The following CAMTA1 variants were observed in gnomAD, a reference collection of about 807,000 sequenced individuals.
CAMTA1 encodes the protein calmodulin binding transcription activator 1.
CAMTA1 carries 27 observed loss-of-function variants against 170.9 expected under a neutral mutation model. The observed-to-expected ratio is 0.16, with a 90% CI of 0.12 to 0.22. The LOEUF (loss-of-function observed/expected upper bound fraction) is 0.22. CAMTA1 is among the 10% of genes least tolerant of loss of function. The pLI, the probability that CAMTA1 is intolerant of heterozygous loss-of-function variation, is 1.00. For synonymous variants in CAMTA1, 833 were observed against 891.5 expected (o/e 0.93, Z 1.17); for missense variants, 1,619 against 2,217.2 (o/e 0.73, Z 5.42).
chr1:7,169,043 A>G (rs1649081554), intron 4 of CAMTA1, among the ~76,000 whole-genome samples: 1 of 152,212 alleles, frequency 6.6e-6, no homozygotes, highest in Non-Finnish European at 1.5e-5. Context: ...TGTCACTAGT[A>G]AGAATAATCA....
rs1038061860 is a variant in CAMTA1, at chr1:7,737,656, T to C, written c.3658+86T>C. 4 of 1,260,334 alleles carry C rather than the reference T, an allele frequency of 3.2e-6. No homozygotes were observed. The African/African-American group carries it at 6.0e-5, about 19-fold the overall frequency. The allele number at this position is 1,260,334 out of a possible 1,614,324, so 78.1% of individuals were successfully genotyped here. ...GCTGCCCTCAGCAGAGTCCATAGGA[T>C]AGTCACATACATTTCAGTTTTTTTG... On this transcript the variant is annotated intron_variant, in intron 15 of 22. Transcript: ENST00000303635.
chr1:7,237,285 A>C (rs532068681), intron 4 of CAMTA1, among the ~76,000 whole-genome samples: 1 of 152,326 alleles, frequency 6.6e-6, no homozygotes, highest in East Asian at 1.9e-4. Flanking sequence ...CAACCTGAAC[A>C]GAGCTTATTG....
At chr1:7,257,076 C>CGTG (rs1553291546) in intron 5 of CAMTA1, among the ~76,000 whole-genome samples, 4 of 135,134 alleles carry the variant, frequency 3.0e-5, no homozygotes, top group African/African-American at 1.1e-4. Flanking sequence ...CATCGCATGG[C>CGTG]GGGGGCGGGG....
At chr1:7,091,458 T>C (rs1391481556) in intron 4 of CAMTA1, 87 bp downstream of exon 4, 1 of 1,015,304 alleles carries the variant, frequency 9.8e-7, no homozygotes, top group Non-Finnish European at 1.6e-6. Flanking sequence ...AGTGAATTCA[T>C]GGGCAACGAG....
At chr1:7,191,445 C>G (rs543851527) in intron 4 of CAMTA1, among the ~76,000 whole-genome samples, 3 of 152,190 alleles carry the variant, frequency 2.0e-5, no homozygotes, top group African/African-American at 7.2e-5. Flanking sequence ...TTTCAAGAAG[C>G]GTTGTTTAGT....
At chr1:7,425,866 G>A (rs1390764321) in intron 5 of CAMTA1, among the ~76,000 whole-genome samples, 4 of 152,176 alleles carry the variant, frequency 2.6e-5, no homozygotes, top group Non-Finnish European at 5.9e-5. Context: ...GGGCCCAGTT[G>A]TGACTCCAGC....
Position 7,703,656 on chromosome 1 carries a change from G to A in CAMTA1, c.2914+25923G>A, listed in dbSNP as rs1488865554. Among the ~76,000 whole-genome samples, 5 of 152,188 alleles carry A rather than the reference G, an allele frequency of 3.3e-5. No homozygotes were observed. In the East Asian group the frequency reaches 9.6e-4, roughly 29 times the overall value. On this transcript the variant is annotated intron_variant, in intron 11 of 22. Transcript: ENST00000303635. Reference sequence around the variant, plus strand: ...TTTTTACCCAGGTGGCAGAGACATGGCCGATTTTACAGATAATTGACTGTA... The same window carrying A: ...TTTTTACCCAGGTGGCAGAGACATGACCGATTTTACAGATAATTGACTGTA...
chr1:7,478,811 A>G (rs1281296732), intron 6 of CAMTA1, among the ~76,000 whole-genome samples: 1 of 152,224 alleles, frequency 6.6e-6, no homozygotes, highest in African/African-American at 2.4e-5. Context: ...GGCTTATAAT[A>G]TGGGGCTTTT....
At position 6,878,702 on chromosome 1, in the gene CAMTA1, G is replaced by A. The variant is rs138575447; in HGVS notation, c.234+53492G>A. Among the ~76,000 whole-genome samples, 37 of 152,298 alleles carry A rather than the reference G, an allele frequency of 2.4e-4. No homozygotes were observed. The East Asian group carries it at 6.0e-3, about 25-fold the overall frequency. On this transcript the variant is annotated intron_variant, in intron 3 of 22. Coordinates refer to ENST00000303635, the MANE Select transcript of CAMTA1 (RefSeq NM_015215.4). Reference sequence around the variant, plus strand: ...ATCCCCAGCGATTTGTTCTAGTTCCGTTGCCATCAGCAGGAAGCTGGATCA... The same window carrying A: ...ATCCCCAGCGATTTGTTCTAGTTCCATTGCCATCAGCAGGAAGCTGGATCA...
intron 3 of CAMTA1, among the ~76,000 whole-genome samples, chr1:6,995,295 C>CTTTTCTTT (rs1697047615): frequency 1.2e-4 from 7 of 60,612 alleles, no homozygotes; most frequent in Admixed American, 5.1e-4. Context: ...TTTTTCTTTT[C>CTTTTCTTT]TTTTTTTTTT....
At chr1:7,310,670 TCC>T (rs1676463907) in intron 5 of CAMTA1, among the ~76,000 whole-genome samples, 3 of 53,762 alleles carry the variant, frequency 5.6e-5, no homozygotes, top group African/African-American at 2.0e-4. Context: ...TTTCTTTCTT[TCC>T]TTTCTTTCTC....
In CAMTA1 at chr1:7,276,305, T is replaced by TATA. The variant is rs1558345669; in HGVS notation, c.438+26679_438+26680insATA. Among the ~76,000 whole-genome samples the TATA allele has an allele frequency of 3.5e-4, 7 of 20,150 alleles. No individual in the cohort carries two copies. The East Asian group carries it at 9.8e-3, about 28-fold the overall frequency. 13.2% of individuals were successfully genotyped at this position (20,150 alleles called of 152,430 possible). On this transcript the variant is annotated intron_variant, in intron 5 of 22. Transcript: ENST00000303635. ...TATATATATATATATATATATATATTTTTTTTTTTTTTTTTTCTTTTTGAG... is the reference window on the plus strand; with the variant it reads ...TATATATATATATATATATATATATTATATTTTTTTTTTTTTTTTCTTTTTGAG...
intron 4 of CAMTA1, among the ~76,000 whole-genome samples, chr1:7,198,551 C>T (rs1656015314): frequency 6.6e-6 from 1 of 152,062 alleles, no homozygotes; most frequent in Non-Finnish European, 1.5e-5. Context: ...CTGAGAAACC[C>T]CCAGGACCTC....
chr1:7,684,928 G>T (rs553606139), intron 11 of CAMTA1, among the ~76,000 whole-genome samples: 2 of 152,274 alleles, frequency 1.3e-5, no homozygotes, highest in South Asian at 4.1e-4. Context: ...TGTTGTGCAC[G>T]GGGTTCTGCC....
At chr1:6,802,958 C>T (rs1644057032) in intron 1 of CAMTA1, among the ~76,000 whole-genome samples, 1 of 152,184 alleles carries the variant, frequency 6.6e-6, no homozygotes, top group African/African-American at 2.4e-5. Flanking sequence ...GTTGCCTAGG[C>T]TGGTCTTGAA....
chr1:6,926,057 T>C (rs772628990), intron 3 of CAMTA1, among the ~76,000 whole-genome samples: 1 of 152,238 alleles, frequency 6.6e-6, no homozygotes. Context: ...GCGCTGTTCC[T>C]CCCTGTGTCA....
At chr1:7,259,898 T>A (rs1464186914) in intron 5 of CAMTA1, among the ~76,000 whole-genome samples, 3 of 152,256 alleles carry the variant, frequency 2.0e-5, no homozygotes, top group Non-Finnish European at 4.4e-5. Flanking sequence ...AACTTGCCTG[T>A]CTGTTCACTG....
intron 16 of CAMTA1, among the ~76,000 whole-genome samples, chr1:7,742,080 A>G (rs1055831684): frequency 1.3e-4 from 20 of 152,146 alleles, no homozygotes; most frequent in African/African-American, 4.3e-4. Flanking sequence ...GAGTATAAAA[A>G]GAAAGATAAA....
intron 3 of CAMTA1, among the ~76,000 whole-genome samples, chr1:6,941,978 G>C (rs1254896827): frequency 6.6e-6 from 1 of 152,218 alleles, no homozygotes; most frequent in Non-Finnish European, 1.5e-5. Context: ...GGCCTTGCTC[G>C]AGTGAGTCAG....
Sources: gnomAD v4.1 joint callset for allele counts (sites outside exome capture counted in the v4.1 genomes callset) on GRCh38, gnomAD v4.1.1 for gene constraint, MANE v1.5 for transcripts, NCBI Gene and HGNC (gene_info 2026-07-23, HGNC 2026-07-21) for gene names.